Variants in CMSS1 observed in about 807,000 individuals in gnomAD.
CMSS1 encodes the protein protein CMSS1.
A neutral mutation model predicts 43.5 loss-of-function variants in CMSS1; 33 were observed. The observed-to-expected ratio is 0.76, with a 90% CI of 0.57 to 1.01. The LOEUF (loss-of-function observed/expected upper bound fraction) is 1.01, where lower values mean the gene tolerates loss of function less well. Ranked by LOEUF, CMSS1 falls within the 50% of genes least tolerant of loss-of-function variation. CMSS1 has a pLI of 0.00. For synonymous variants in CMSS1, 115 were observed against 117.2 expected, an observed-to-expected ratio of 0.98 and a Z score of 0.12; for missense variants, 313 against 326.4, an observed-to-expected ratio of 0.96 and a Z score of 0.32.
chr3:100,109,545 G>A (rs9798963), intron 1 of CMSS1, among the ~76,000 whole-genome samples: 3 of 152,022 alleles, frequency 2.0e-5, no homozygotes, highest in African/African-American at 7.2e-5. Context: ...GTTTTTGGGG[G>A]TTTTTTCCCA....
At position 100,109,071 on chromosome 3, in the gene CMSS1, G is replaced by A. The variant is rs192416100; in HGVS notation, c.65-37902G>A. 5.0e-3 allele frequency among the ~76,000 whole-genome samples: 712 copies of A among 141,532 alleles called. 2 individuals are homozygous for A. Among genetic ancestry groups the A allele is most frequent in the South Asian group, 8.2e-3 (35 of 4,260 alleles). 92.9% of individuals were successfully genotyped at this position (141,532 alleles called of 152,430 possible). On this transcript the variant is annotated intron_variant, in intron 1 of 9. Transcript: ENST00000421999. ...GTTTTCTGGGTTCTACAGGATGATC[G>A]TTTTTAACTGTCTCTTAAAAAAAAA... is the stretch of plus-strand genomic sequence containing the variant.
chr3:99,985,433 G>A (rs1390595910), intron 1 of CMSS1, among the ~76,000 whole-genome samples: 3 of 152,086 alleles, frequency 2.0e-5, no homozygotes, highest in African/African-American at 4.8e-5. Context: ...GTTGAGGTGG[G>A]AGGATAGCTT....
chr3:99,876,772 TTTTTC>T (rs1705547366), intron 1 of CMSS1, among the ~76,000 whole-genome samples: 1 of 152,146 alleles, frequency 6.6e-6, no homozygotes, highest in Non-Finnish European at 1.5e-5. Flanking sequence ...AAATCTTATT[TTTTTC>T]AGTGTTTTTC....
At chr3:99,895,462 G>A (rs1015969540) in intron 1 of CMSS1, among the ~76,000 whole-genome samples, 4 of 149,630 alleles carry the variant, frequency 2.7e-5, no homozygotes, top group South Asian at 4.2e-4. Context: ...ATTTCCTTCC[G>A]CTCATGGGCA....
intron 1 of CMSS1, among the ~76,000 whole-genome samples, chr3:99,874,781 G>A (rs1705428130): frequency 6.6e-6 from 1 of 152,022 alleles, no homozygotes; most frequent in Non-Finnish European, 1.5e-5. Context: ...ATAAAATCTG[G>A]GATCTGACAT....
intron 1 of CMSS1, among the ~76,000 whole-genome samples, chr3:100,001,135 A>T (rs1463454686): frequency 6.6e-6 from 1 of 151,452 alleles, no homozygotes. Context: ...ATTGGCTTAG[A>T]TTTAAATAGG....
At chr3:99,955,246 A>T (rs1216812363) in intron 1 of CMSS1, among the ~76,000 whole-genome samples, 1 of 152,210 alleles carries the variant, frequency 6.6e-6, no homozygotes, top group African/African-American at 2.4e-5. Context: ...ATGCTCACAC[A>T]GAGGATGGAA....
In CMSS1 at chr3:100,176,420, C is replaced by G; in HGVS notation, c.756+5C>G. 6.3e-7 allele frequency: 1 copy of G among 1,598,116 alleles called. No individual in the cohort carries two copies. The highest frequency in any genetic ancestry group is 8.6e-7 in the Non-Finnish European group (1 of 1,166,082). On this transcript the variant is annotated splice_donor_5th_base_variant and intron_variant, in intron 9 of 9. Coordinates refer to ENST00000421999, the MANE Select transcript of CMSS1 (RefSeq NM_032359.4). ...AGAATGATGGACATTCCCGAGGTAC[C>G]ACGTAACCAGCAGTTGCCTTTAATC...
At chr3:100,028,727 A>C (rs2064970960) in intron 1 of CMSS1, among the ~76,000 whole-genome samples, 1 of 152,148 alleles carries the variant, frequency 6.6e-6, no homozygotes, top group Non-Finnish European at 1.5e-5. Flanking sequence ...AATAATCTCT[A>C]GTTCCTTGTC....
intron 1 of CMSS1, among the ~76,000 whole-genome samples, chr3:99,996,874 G>A (rs145731628): frequency 8.6e-4 from 130 of 150,844 alleles, no homozygotes; most frequent in African/African-American, 3.0e-3. Context: ...ATGAGATTTG[G>A]GTGGGGACAC....
rs1576080506 is a variant in CMSS1, at chr3:100,114,807, C to T, written c.65-32166C>T. ...CCTGCAGCCATGAGCTGATGTAAGCCTTGTTTGTGATTTAAGTAACAAGGG... is the reference window on the plus strand; with the variant it reads ...CCTGCAGCCATGAGCTGATGTAAGCTTTGTTTGTGATTTAAGTAACAAGGG... On this transcript the variant is annotated intron_variant, in intron 1 of 9. Transcript: ENST00000421999. 5.2e-6 allele frequency: 3 copies of T among 580,574 alleles called. No individual in the cohort carries two copies. The East Asian group carries it at 9.2e-5, about 18-fold the overall frequency. The allele number at this position is 580,574 out of a possible 1,614,324, so 36.0% of individuals were successfully genotyped here.
chr3:99,935,623 C>A (rs1350475407), intron 1 of CMSS1, among the ~76,000 whole-genome samples: 1 of 152,202 alleles, frequency 6.6e-6, no homozygotes, highest in East Asian at 1.9e-4. Flanking sequence ...CTGTTCCTCA[C>A]CCCCTGATGG....
At chr3:99,923,892 A>G (rs1264484756) in intron 1 of CMSS1, among the ~76,000 whole-genome samples, 1 of 152,178 alleles carries the variant, frequency 6.6e-6, no homozygotes, top group South Asian at 2.1e-4. Flanking sequence ...TCTCACTTCT[A>G]TACTAACACA....
chr3:100,060,647 A>G (rs370296397), intron 1 of CMSS1, among the ~76,000 whole-genome samples: 11 of 152,176 alleles, frequency 7.2e-5, no homozygotes, highest in African/African-American at 1.2e-4. Context: ...TTGAGCTCAC[A>G]AATTTGAGAC....
At chr3:99,988,539 AG>A (rs933450432) in intron 1 of CMSS1, among the ~76,000 whole-genome samples, 1 of 150,380 alleles carries the variant, frequency 6.6e-6, no homozygotes, top group Non-Finnish European at 1.5e-5. Context: ...AAGAAAGAAA[AG>A]GAAAAAAAAA....
intron 1 of CMSS1, among the ~76,000 whole-genome samples, chr3:100,108,038 A>G (rs1340093877): frequency 6.6e-6 from 1 of 152,128 alleles, no homozygotes; most frequent in Non-Finnish European, 1.5e-5. Flanking sequence ...GAAATGAGGC[A>G]TTTTAAATTC....
intron 1 of CMSS1, among the ~76,000 whole-genome samples, chr3:100,094,607 T>G (rs1459961422): frequency 1.3e-5 from 2 of 151,866 alleles, no homozygotes; most frequent in Admixed American, 6.6e-5. Context: ...GTGGTAGACT[T>G]GAGTTCAGAT....
intron 1 of CMSS1, among the ~76,000 whole-genome samples, chr3:99,950,902 G>A (rs893919905): frequency 6.6e-6 from 1 of 152,188 alleles, no homozygotes; most frequent in African/African-American, 2.4e-5. Context: ...CACGGAGACA[G>A]TAGTAGCTGG....
chr3:99,936,999 G>C (rs547002976), intron 1 of CMSS1, among the ~76,000 whole-genome samples: 1 of 151,860 alleles, frequency 6.6e-6, no homozygotes, highest in Non-Finnish European at 1.5e-5. Flanking sequence ...GTGCAGTGGC[G>C]TGATCTCGGG....
Sources: gnomAD v4.1 joint callset for allele counts (sites outside exome capture counted in the v4.1 genomes callset) on GRCh38, gnomAD v4.1.1 for gene constraint, MANE v1.5 for transcripts, NCBI Gene and HGNC (gene_info 2026-07-23, HGNC 2026-07-21) for gene names.